RSPH14: variants seen among roughly 807,000 people sequenced by gnomAD.
RSPH14 encodes the protein radial spoke head 14 homolog, also known as rhabdoid tumor deletion region gene 1.
In RSPH14, 20 loss-of-function variants were observed where a neutral mutation model predicts 26.7. The ratio of observed to expected loss-of-function variants is 0.75; its 90% CI spans 0.53 to 1.09. The LOEUF (loss-of-function observed/expected upper bound fraction) is 1.09. RSPH14 is among the 50% of genes least tolerant of loss of function. The pLI, the probability that RSPH14 is intolerant of heterozygous loss-of-function variation, is 0.00. For missense variants in RSPH14, 449 were observed against 457.2 expected (o/e 0.98, Z 0.16); for synonymous variants, 177 against 189.3 (o/e 0.93, Z 0.53).
rs73386675 is a variant in RSPH14, at chr22:23,125,302, G to A, written c.421+8724C>T. Among the ~76,000 whole-genome samples the A allele has an allele frequency of 2.6e-3, 388 of 152,088 alleles. 4 individuals carry two copies. Among genetic ancestry groups the A allele is most frequent in the African/African-American group, 8.9e-3 (370 of 41,484 alleles). On this transcript the variant is annotated intron_variant, in intron 4 of 6. Transcript: ENST00000216036. ...GGTGATGATGACTCCTGCCCCTCCC[G>A]CTGCCCCCAAGACCCCACCCAACAC...
chr22:23,174,053 C>A, the RSPH14 span, among the ~76,000 whole-genome samples: 4 of 152,020 alleles, frequency 2.6e-5, no homozygotes, highest in Admixed American at 1.3e-4. Context: ...GCTTTCCATC[C>A]CCAGGGCTTT....
the RSPH14 span, among the ~76,000 whole-genome samples, chr22:23,167,127 C>G: frequency 0.12 from 17,626 of 152,094 alleles, 1,183 homozygotes; most frequent in South Asian, 0.16. Context: ...GCTGCCAACC[C>G]CACTTGGAGT....
chr22:23,066,933 T>C (rs2068225701), intron 4 of RSPH14, among the ~76,000 whole-genome samples: 1 of 152,126 alleles, frequency 6.6e-6, no homozygotes, highest in Admixed American at 6.5e-5. Flanking sequence ...GACAGGTCAC[T>C]ACAGAACAGG....
intron 4 of RSPH14, among the ~76,000 whole-genome samples, chr22:23,129,431 T>C (rs1490097157): frequency 6.6e-6 from 1 of 151,980 alleles, no homozygotes; most frequent in Non-Finnish European, 1.5e-5. Context: ...CTACTCCTAA[T>C]GGTGCGCCCA....
intron 1 of RSPH14, among the ~76,000 whole-genome samples, chr22:23,141,451 T>G (rs2070599773): frequency 6.6e-6 from 1 of 152,196 alleles, no homozygotes; most frequent in Non-Finnish European, 1.5e-5. Flanking sequence ...CTGGGTGACC[T>G]TGGCAAGTTA....
the RSPH14 span, among the ~76,000 whole-genome samples, chr22:23,166,654 C>T: frequency 6.6e-6 from 1 of 152,142 alleles, no homozygotes; most frequent in Non-Finnish European, 1.5e-5. Context: ...ATCCCCAGCA[C>T]CAGCCTACTA....
chr22:23,065,534 C>CAAAAAAAAAAAAAAAAA (rs10562943), intron 4 of RSPH14, among the ~76,000 whole-genome samples: 1 of 45,158 alleles, frequency 2.2e-5, no homozygotes. Context: ...GCACAGATTG[C>CAAAAAAAAAAAAAAAAA]AAAAAAAAAA....
upstream of RSPH14, chr22:23,145,922 G>A (rs765981107): frequency 9.4e-6 from 9 of 957,154 alleles, no homozygotes; most frequent in Non-Finnish European, 1.1e-5. Context: ...TGAAAGTTAA[G>A]GCCCCCAGGC....
At chr22:23,155,096 G>C in the RSPH14 span, among the ~76,000 whole-genome samples, 2 of 152,104 alleles carry the variant, frequency 1.3e-5, no homozygotes, top group Non-Finnish European at 2.9e-5. Flanking sequence ...TTACACTCTA[G>C]CCTGGGCAAT....
At chr22:23,144,092 CAAAAAAAAAAAA>C (rs35499128), upstream of RSPH14, among the ~76,000 whole-genome samples, 2 of 24,146 alleles carry the variant, frequency 8.3e-5, no homozygotes, top group Admixed American at 5.6e-4. Context: ...GACTCCATCT[CAAAAAAAAAAAA>C]AAAAAAAAAA....
At chr22:23,066,577 G>A (rs1338513532) in intron 4 of RSPH14, among the ~76,000 whole-genome samples, 3 of 152,206 alleles carry the variant, frequency 2.0e-5, no homozygotes, top group African/African-American at 7.2e-5. Context: ...CGTGCCGGGT[G>A]TGCCTTTCTG....
intron 4 of RSPH14, chr22:23,096,226 C>T (rs1037005438): frequency 1.9e-6 from 3 of 1,613,890 alleles, no homozygotes; most frequent in Admixed American, 3.3e-5. Flanking sequence ...ACATCCTGCG[C>T]TCCCGGGACA....
the RSPH14 span, among the ~76,000 whole-genome samples, chr22:23,169,711 C>G: frequency 1.3e-5 from 2 of 152,190 alleles, no homozygotes; most frequent in South Asian, 4.1e-4. Flanking sequence ...AGGCTGGCCC[C>G]CTGGTGAGGG....
At chr22:23,112,821 C>CAGGGAG (rs1460481454) in intron 4 of RSPH14, among the ~76,000 whole-genome samples, 1 of 152,116 alleles carries the variant, frequency 6.6e-6, no homozygotes, top group African/African-American at 2.4e-5. Flanking sequence ...GACCTGGCTG[C>CAGGGAG]AGGGAGCAAG....
the RSPH14 span, among the ~76,000 whole-genome samples, chr22:23,179,132 C>T: frequency 6.6e-6 from 1 of 152,218 alleles, no homozygotes; most frequent in Non-Finnish European, 1.5e-5. Flanking sequence ...AGCCTGGGCT[C>T]AGTCCTTTAG....
chr22:23,112,046 C>G (rs1290539414), intron 4 of RSPH14, among the ~76,000 whole-genome samples: 1 of 152,154 alleles, frequency 6.6e-6, no homozygotes, highest in African/African-American at 2.4e-5. Flanking sequence ...TTGGGGGTAA[C>G]CAGGAAAGGA....
chr22:23,118,065 C>G (rs1018902933), intron 4 of RSPH14, among the ~76,000 whole-genome samples: 1 of 152,236 alleles, frequency 6.6e-6, no homozygotes, highest in African/African-American at 2.4e-5. Context: ...GGGCTGTCAG[C>G]TCCCCTGCTG....
intron 4 of RSPH14, among the ~76,000 whole-genome samples, chr22:23,114,019 T>A (rs575599806): frequency 3.9e-5 from 6 of 152,204 alleles, no homozygotes; most frequent in Non-Finnish European, 8.8e-5. Flanking sequence ...CCCAGAGGGG[T>A]GAGAGGCTTG....
chr22:23,140,963 G>A (rs555964011), intron 1 of RSPH14, among the ~76,000 whole-genome samples: 1 of 152,276 alleles, frequency 6.6e-6, no homozygotes, highest in African/African-American at 2.4e-5. Context: ...TCAAATCTGG[G>A]TCTAGCTCAT....
Sources: allele counts gnomAD v4.1 joint callset (sites outside exome capture counted in the v4.1 genomes callset), GRCh38; gene constraint gnomAD v4.1.1; transcripts MANE v1.5; gene names NCBI Gene and HGNC (gene_info 2026-07-23, HGNC 2026-07-21).